The following PIP5K1B variants were observed in gnomAD, a reference collection of about 807,000 sequenced individuals.
PIP5K1B encodes the protein phosphatidylinositol 4-phosphate 5-kinase type-1 beta.
In PIP5K1B, 42 loss-of-function variants were observed where a neutral mutation model predicts 67.0. The ratio of observed to expected loss-of-function variants is 0.63; its 90% CI spans 0.49 to 0.81. The LOEUF (loss-of-function observed/expected upper bound fraction) is 0.81, where lower values mean the gene tolerates loss of function less well. PIP5K1B is among the 30% of genes least tolerant of loss of function. The pLI is 0.00. For synonymous variants in PIP5K1B, 214 were observed against 231.4 expected (o/e 0.92, Z 0.68); for missense variants, 459 against 646.3 (o/e 0.71, Z 3.14).
chr9:68,907,281 C>A (rs1825661545), intron 8 of PIP5K1B, among the ~76,000 whole-genome samples: 1 of 152,144 alleles, frequency 6.6e-6, no homozygotes, highest in African/African-American at 2.4e-5. Context: ...ACACACAGAG[C>A]TGAGAACATT....
intron 14 of PIP5K1B, among the ~76,000 whole-genome samples, chr9:68,961,718 C>G (rs1828758475): frequency 6.6e-6 from 1 of 152,150 alleles, no homozygotes; most frequent in Non-Finnish European, 1.5e-5. Flanking sequence ...GTCTCTGAAT[C>G]TGGCAGGCTA....
intron 15 of PIP5K1B, among the ~76,000 whole-genome samples, chr9:68,996,974 T>C (rs907396490): frequency 1.3e-5 from 2 of 152,252 alleles, no homozygotes; most frequent in Non-Finnish European, 2.9e-5. Context: ...GCAAAATGGC[T>C]GTTTGAAATA....
intron 2 of PIP5K1B, among the ~76,000 whole-genome samples, chr9:68,747,231 G>A (rs1453947313): frequency 6.7e-6 from 1 of 148,826 alleles, no homozygotes; most frequent in Non-Finnish European, 1.5e-5. Context: ...TCAGGAGGAG[G>A]AGGAGGCTTA....
At chr9:68,991,687 C>T (rs1334798072) in intron 15 of PIP5K1B, among the ~76,000 whole-genome samples, 1 of 152,180 alleles carries the variant, frequency 6.6e-6, no homozygotes, top group Non-Finnish European at 1.5e-5. Context: ...AGAATCTTGG[C>T]TGATTCTCTC....
chr9:68,953,139 C>G (rs918566965), intron 14 of PIP5K1B, among the ~76,000 whole-genome samples: 5 of 151,874 alleles, frequency 3.3e-5, no homozygotes, highest in African/African-American at 1.2e-4. Context: ...CCAATTTTCT[C>G]TACTTTTCTG....
At chr9:68,934,009 A>G (rs1183209261) in intron 12 of PIP5K1B, among the ~76,000 whole-genome samples, 1 of 152,240 alleles carries the variant, frequency 6.6e-6, no homozygotes, top group Non-Finnish European at 1.5e-5. Flanking sequence ...GAAGAGAGAC[A>G]CTGCCAAAAA....
chr9:68,832,511 C>T (rs1277781354), intron 4 of PIP5K1B, among the ~76,000 whole-genome samples: 1 of 152,172 alleles, frequency 6.6e-6, no homozygotes, highest in Non-Finnish European at 1.5e-5. Context: ...GTGTCAGCTG[C>T]TTTTATTATG....
At position 68,959,707 on chromosome 9, in the gene PIP5K1B, CCT is replaced by C. The variant is rs571555509; in HGVS notation, c.1502+18918_1502+18919del. 5.9e-5 allele frequency among the ~76,000 whole-genome samples: 9 copies of C among 152,242 alleles called. 1 individual carries two copies. The South Asian group carries it at 1.7e-3, about 28-fold the overall frequency. On this transcript the variant is annotated intron_variant, in intron 14 of 15. Transcript: ENST00000265382. ...GTCATAAACATATTCGCAACTGTGC[CCT>C]GTTGTAAAGTTTCATTATATTTCCT...
chr9:68,919,754 T>C, intron 11 of PIP5K1B, 25 bp downstream of exon 11: 1 of 1,340,212 alleles, frequency 7.5e-7, no homozygotes, highest in South Asian at 1.2e-5. Context: ...TTCCTTATTA[T>C]ACTGTATATA....
chr9:68,848,522 C>A (rs537446377), intron 4 of PIP5K1B, among the ~76,000 whole-genome samples: 2 of 152,130 alleles, frequency 1.3e-5, no homozygotes, highest in African/African-American at 4.8e-5. Context: ...TTTGTTATTG[C>A]AAAAGTATAT....
chr9:68,740,845 CA>C (rs1828970731), intron 1 of PIP5K1B, among the ~76,000 whole-genome samples: 1 of 152,180 alleles, frequency 6.6e-6, no homozygotes, highest in Admixed American at 6.5e-5. Flanking sequence ...GATCTGAGCT[CA>C]AGCCATGGTG....
chr9:68,986,052 T>C (rs1456278062), intron 14 of PIP5K1B, among the ~76,000 whole-genome samples: 2 of 152,268 alleles, frequency 1.3e-5, no homozygotes, highest in Non-Finnish European at 2.9e-5. Flanking sequence ...TGAATAATGC[T>C]ACTGCAAACA....
intron 14 of PIP5K1B, among the ~76,000 whole-genome samples, chr9:68,955,707 G>A (rs1254517891): frequency 6.6e-6 from 1 of 152,242 alleles, no homozygotes; most frequent in African/African-American, 2.4e-5. Context: ...GTTCTGGGGA[G>A]TGGTGAGAGC....
chr9:68,751,430 T>C (rs1829626761), intron 2 of PIP5K1B, among the ~76,000 whole-genome samples: 1 of 152,330 alleles, frequency 6.6e-6, no homozygotes, highest in East Asian at 1.9e-4. Context: ...AACCTATGAA[T>C]TGATCTCTTG....
chr9:68,887,632 T>A (rs913608322), intron 6 of PIP5K1B, among the ~76,000 whole-genome samples: 1 of 152,208 alleles, frequency 6.6e-6, no homozygotes, highest in East Asian at 1.9e-4. Flanking sequence ...AGATGCCTAG[T>A]TTCCTGGTGA....
intron 2 of PIP5K1B, among the ~76,000 whole-genome samples, chr9:68,792,029 TA>T (rs1330313876): frequency 1.3e-5 from 2 of 152,196 alleles, no homozygotes; most frequent in Non-Finnish European, 2.9e-5. Context: ...ACTAACTCCT[TA>T]AAAATTTAGT....
rs767403913 is a variant in PIP5K1B at position 68,991,181 on chromosome 9, G to A, written c.1544G>A (p.Gly515Glu). The change falls in exon 15 of 16, where the codon GGG (glycine) becomes GAG (glutamate). Residue 515 changes from glycine (G) to glutamate (E), a missense_variant. This residue lies in a region of PIP5K1B where 169 missense variants were observed against 171.9 expected (regional missense o/e 0.98). Coordinates refer to ENST00000265382, the MANE Select transcript of PIP5K1B (RefSeq NM_003558.4). Reference sequence around the variant, plus strand: ...AGTTCAACATTTACCTTGGAAGAGGGGACCATCTACTTGACCGCTGAGCCC... The same window carrying A: ...AGTTCAACATTTACCTTGGAAGAGGAGACCATCTACTTGACCGCTGAGCCC... ...PSSSTFTLEE[G>E]TIYLTAEPNT... 1 of 1,611,560 alleles carries A rather than the reference G, an allele frequency of 6.2e-7. No individual in the cohort carries two copies. Among genetic ancestry groups the A allele is most frequent in the Non-Finnish European group, 8.5e-7 (1 of 1,177,694 alleles).
intron 14 of PIP5K1B, among the ~76,000 whole-genome samples, chr9:68,973,427 C>T (rs1413806703): frequency 6.6e-6 from 1 of 152,074 alleles, no homozygotes; most frequent in Non-Finnish European, 1.5e-5. Context: ...TCCAAAATAA[C>T]TAAAGCTTAA....
At chr9:68,717,588 A>G (rs1827695249) in intron 1 of PIP5K1B, among the ~76,000 whole-genome samples, 1 of 152,182 alleles carries the variant, frequency 6.6e-6, no homozygotes, top group Non-Finnish European at 1.5e-5. Context: ...AACTTCTTCT[A>G]GTACCCTCAT....
Sources: gnomAD v4.1 joint callset for allele counts (sites outside exome capture counted in the v4.1 genomes callset) on GRCh38, gnomAD v4.1.1 for gene constraint, gnomAD v4.1.1 regional missense constraint, MANE v1.5 for transcripts, NCBI Gene and HGNC (gene_info 2026-07-23, HGNC 2026-07-21) for gene names.